The following FMN1 variants were observed in gnomAD, a reference collection of about 807,000 sequenced individuals.
The protein encoded by FMN1 is formin-1.
Under a neutral mutation model 132.4 loss-of-function variants are expected in FMN1, and 110 were observed. The ratio of observed to expected loss-of-function variants is 0.83; its 90% CI spans 0.71 to 0.97. The LOEUF (loss-of-function observed/expected upper bound fraction) is 0.97. Ranked by LOEUF, FMN1 falls within the 50% of genes least tolerant of loss-of-function variation. FMN1 has a pLI of 0.00. For missense variants in FMN1, 1,792 were observed against 1,705.3 expected, an observed-to-expected ratio of 1.05 and a Z score of -0.90; for synonymous variants, 722 against 651.7, an observed-to-expected ratio of 1.11 and a Z score of -1.64.
At chr15:32,902,167 C>G in intron 12 of FMN1, 127 bp from the exon 13 acceptor site, 1 of 767,988 alleles carries the variant, frequency 1.3e-6, no homozygotes, top group Admixed American at 3.1e-5. Flanking sequence ...AAAGGTGTCA[C>G]ATAGGTAGAC....
At chr15:32,931,990 G>T (rs921004573) in intron 9 of FMN1, among the ~76,000 whole-genome samples, 5 of 152,004 alleles carry the variant, frequency 3.3e-5, no homozygotes, top group East Asian at 1.9e-4. Flanking sequence ...TTTATCATTT[G>T]TTCTTTTAAT....
intron 14 of FMN1, among the ~76,000 whole-genome samples, 196 bp from the exon 15 acceptor site, chr15:32,899,089 C>T (rs947690271): frequency 6.6e-6 from 1 of 152,190 alleles, no homozygotes; most frequent in Non-Finnish European, 1.5e-5. Context: ...TGACACTGTA[C>T]TATCCTTTGT....
At chr15:33,079,058 C>G (rs73378546) in intron 5 of FMN1, among the ~76,000 whole-genome samples, 2 of 152,262 alleles carry the variant, frequency 1.3e-5, no homozygotes, top group African/African-American at 4.8e-5. Context: ...CACTTATATA[C>G]AATTCCTAGA....
chr15:32,953,084 C>T (rs1466989365), intron 9 of FMN1, among the ~76,000 whole-genome samples: 1 of 152,168 alleles, frequency 6.6e-6, no homozygotes, highest in Non-Finnish European at 1.5e-5. Flanking sequence ...AGCGAGCGAG[C>T]ATGATTTGAT....
rs1354227376 is a variant in FMN1 at position 33,150,287 on chromosome 15, G to C, written c.1867+2761C>G. On this transcript the variant is annotated intron_variant, in intron 4 of 20. Coordinates refer to ENST00000616417, the MANE Select transcript of FMN1 (RefSeq NM_001277313.2). ...GCTAGCACAACTAGAGTTCCTCAAG[G>C]TTTGGGGGAAGACCATACTCCACAA... is the stretch of plus-strand genomic sequence containing the variant. 4.1e-6 allele frequency: 4 copies of C among 985,350 alleles called. No individual in the cohort carries two copies. The East Asian group carries it at 4.5e-4, about 111-fold the overall frequency. The allele number at this position is 985,350 out of a possible 1,614,324, so 61.0% of individuals were successfully genotyped here. A position where few individuals can be genotyped will look rare whatever the true frequency, so the allele number is the denominator to read the frequency against.
At chr15:32,809,866 A>G (rs891026475) in intron 17 of FMN1, among the ~76,000 whole-genome samples, 1 of 151,980 alleles carries the variant, frequency 6.6e-6, no homozygotes, top group East Asian at 1.9e-4. Context: ...TTGCAACCAA[A>G]ATCTGTTTTC....
intron 18 of FMN1, among the ~76,000 whole-genome samples, chr15:32,803,687 A>C (rs559314682): frequency 6.6e-6 from 1 of 152,246 alleles, no homozygotes; most frequent in South Asian, 2.1e-4. Context: ...GGAAAGACAT[A>C]ATAAGTCTCT....
chr15:32,823,444 G>T (rs58179821), intron 17 of FMN1, among the ~76,000 whole-genome samples: 2 of 151,918 alleles, frequency 1.3e-5, no homozygotes, highest in Admixed American at 6.6e-5. Flanking sequence ...GATTACAGGT[G>T]TGAGCCACTG....
chr15:32,954,031 G>T (rs1223305364), intron 9 of FMN1, among the ~76,000 whole-genome samples: 1 of 152,108 alleles, frequency 6.6e-6, no homozygotes, highest in African/African-American at 2.4e-5. Flanking sequence ...TGCCATGTTA[G>T]GTATAGAAGT....
At chr15:33,043,642 T>C (rs1871364) in intron 6 of FMN1, among the ~76,000 whole-genome samples, 28,168 of 152,232 alleles carry the variant, frequency 0.19, 2,791 homozygotes, top group Middle Eastern at 0.24. Context: ...CCAGGAGTAC[T>C]GTGTAAACAA....
At chr15:32,967,185 A>T (rs16962229) in intron 8 of FMN1, among the ~76,000 whole-genome samples, 22,828 of 152,262 alleles carry the variant, frequency 0.15, 1,713 homozygotes, top group Middle Eastern at 0.26. Flanking sequence ...CAACTAAATG[A>T]GGAGGAAACA....
chr15:32,833,554 G>C (rs558304206), intron 17 of FMN1, among the ~76,000 whole-genome samples: 1 of 152,274 alleles, frequency 6.6e-6, no homozygotes, highest in South Asian at 2.1e-4. Context: ...AGTCACTCAA[G>C]TCCCCGGCCC....
intron 3 of FMN1, among the ~76,000 whole-genome samples, chr15:33,176,113 G>A (rs1751096215): frequency 6.6e-6 from 1 of 152,106 alleles, no homozygotes. Context: ...AGTGTCTCAT[G>A]CCTATAATCC....
intron 16 of FMN1, among the ~76,000 whole-genome samples, chr15:32,869,414 G>C (rs372296652): frequency 1.1e-4 from 17 of 152,308 alleles, no homozygotes; most frequent in African/African-American, 4.1e-4. Context: ...TATTTGACTA[G>C]AGATTTAATC....
At position 33,043,099 on chromosome 15, in the gene FMN1, C is replaced by T. The variant is rs572966049; in HGVS notation, c.2161+21858G>A. ...ATGGTAGGCATTGGTAGAAACTGTA[C>T]TTTGAATTTTGATCTCTTCCCTGGT... On this transcript the variant is annotated intron_variant, in intron 6 of 20. Coordinates refer to ENST00000616417, the MANE Select transcript of FMN1 (RefSeq NM_001277313.2). 4.6e-5 allele frequency among the ~76,000 whole-genome samples: 7 copies of T among 152,260 alleles called. No individual in the cohort carries two copies. The East Asian group carries it at 5.8e-4, about 13-fold the overall frequency.
At chr15:32,840,240 G>A (rs1339569849) in intron 17 of FMN1, among the ~76,000 whole-genome samples, 1 of 152,200 alleles carries the variant, frequency 6.6e-6, no homozygotes, top group Non-Finnish European at 1.5e-5. Flanking sequence ...CCAGACCAAA[G>A]GGGCTGTGGT....
At chr15:32,895,236 G>A (rs960730345) in intron 15 of FMN1, among the ~76,000 whole-genome samples, 5 of 151,798 alleles carry the variant, frequency 3.3e-5, no homozygotes, top group Non-Finnish European at 7.4e-5. Flanking sequence ...TTGGGTGTTC[G>A]TATGCATGTG....
intron 5 of FMN1, among the ~76,000 whole-genome samples, chr15:33,082,050 TG>T (rs2038491607): frequency 2.4e-3 from 340 of 139,150 alleles, no homozygotes; most frequent in African/African-American, 3.3e-3. Context: ...TGTGTGTGTG[TG>T]TGTAAGACGG....
intron 4 of FMN1, among the ~76,000 whole-genome samples, chr15:33,119,002 A>G (rs982645853): frequency 6.6e-6 from 1 of 152,200 alleles, no homozygotes; most frequent in Non-Finnish European, 1.5e-5. Flanking sequence ...GGTATAATTT[A>G]AAAAATTGGA....
Sources: gnomAD v4.1 joint callset for allele counts (sites outside exome capture counted in the v4.1 genomes callset) on GRCh38, gnomAD v4.1.1 for gene constraint, MANE v1.5 for transcripts, NCBI Gene and HGNC (gene_info 2026-07-23, HGNC 2026-07-21) for gene names.